AZIN2: variants seen among roughly 807,000 people sequenced by gnomAD.
AZIN2 encodes ODC antizyme inhibitor-2.
A neutral mutation model predicts 47.8 loss-of-function variants in AZIN2; 28 were observed. The observed-to-expected ratio is 0.59, with a 90% CI of 0.43 to 0.80. The LOEUF is 0.80. AZIN2 is among the 30% of genes least tolerant of loss of function. The pLI is 0.00. For synonymous variants in AZIN2, 221 were observed against 239.4 expected (o/e 0.92, Z 0.71); for missense variants, 535 against 582.5 (o/e 0.92, Z 0.84).
the AZIN2 span, chr1:33,159,780 G>A: frequency 6.2e-7 from 1 of 1,613,810 alleles, no homozygotes; most frequent in Non-Finnish European, 8.5e-7. The surrounding 1 kb of genome is among the most constrained non-coding windows in gnomAD (Gnocchi z 4.2). Context: ...CCTGGACCTT[G>A]CGCAGCTGCT....
chr1:33,116,195 A>G (rs866344019), intron 10 of AZIN2, among the ~76,000 whole-genome samples: 10 of 152,200 alleles, frequency 6.6e-5, no homozygotes, highest in African/African-American at 2.4e-4. Context: ...TAGGTGCTCA[A>G]TAAGTACTTG....
At chr1:33,149,491 G>T in the AZIN2 span, among the ~76,000 whole-genome samples, 1 of 151,648 alleles carries the variant, frequency 6.6e-6, no homozygotes, top group African/African-American at 2.4e-5. Context: ...GTCTCACTCT[G>T]CCACCCAGGC....
At chr1:33,104,857 C>G (rs1295351905) in intron 10 of AZIN2, among the ~76,000 whole-genome samples, 1 of 152,144 alleles carries the variant, frequency 6.6e-6, no homozygotes, top group Non-Finnish European at 1.5e-5. Flanking sequence ...TGCCACTATG[C>G]CTGGCTAATT....
intron 10 of AZIN2, among the ~76,000 whole-genome samples, chr1:33,110,017 T>C (rs772423452): frequency 1.3e-5 from 2 of 152,206 alleles, no homozygotes; most frequent in Non-Finnish European, 2.9e-5. Context: ...GAGAATCCAA[T>C]AGGATGCCCT....
At chr1:33,148,135 A>T in the AZIN2 span, among the ~76,000 whole-genome samples, 50 of 152,316 alleles carry the variant, frequency 3.3e-4, 1 homozygote, top group South Asian at 8.9e-3. Flanking sequence ...GAGTGTGTTC[A>T]GGTTGTCTTA....
chr1:33,082,173 C>T lies in AZIN2; in HGVS notation c.-72-5C>T. 3.2e-6 allele frequency: 4 copies of T among 1,237,362 alleles called. No homozygotes were observed. In the East Asian group the frequency reaches 7.4e-5, roughly 23 times the overall value. 76.6% of individuals were successfully genotyped at this position (1,237,362 alleles called of 1,614,324 possible). ...CGGTTCCCTTCATCTCCCCTCGCCC[C>T]GCAGTGTGTTGCATACTTTCTAAGG... On this transcript the variant is annotated splice_region_variant and splice_polypyrimidine_tract_variant and intron_variant, in intron 3 of 11. Transcript: ENST00000294517.
rs1644831980 is a variant in AZIN2, at chr1:33,123,433, G to A, written c.*3251G>A. 1.3e-5 allele frequency among the ~76,000 whole-genome samples: 2 copies of A among 152,194 alleles called. No homozygotes were observed. Among genetic ancestry groups the A allele is most frequent in the South Asian group, 4.1e-4 (2 of 4,826 alleles). On this transcript the variant is annotated 3_prime_UTR_variant, in exon 12 of 12. Coordinates refer to ENST00000294517, the MANE Select transcript of AZIN2 (RefSeq NM_052998.4). Reference sequence around the variant, plus strand: ...AGTAGGTGTTCAAAAAGTATATGCTGGATGGGCAAATGAATAAACATGTCT... The same window carrying A: ...AGTAGGTGTTCAAAAAGTATATGCTAGATGGGCAAATGAATAAACATGTCT...
the AZIN2 span, among the ~76,000 whole-genome samples, chr1:33,156,782 C>T: frequency 6.6e-6 from 1 of 152,216 alleles, no homozygotes; most frequent in African/African-American, 2.4e-5. Flanking sequence ...CATCACAAAC[C>T]TTACAGGCTT....
chr1:33,082,136 C>A, intron 3 of AZIN2, 42 bp from the exon 4 acceptor site: 1 of 863,242 alleles, frequency 1.2e-6, no homozygotes, highest in Non-Finnish European at 1.9e-6. Context: ...GGCAGCAGAG[C>A]CGGCCCCCCA....
At chr1:33,097,518 G>T (rs1338667051) in intron 9 of AZIN2, among the ~76,000 whole-genome samples, 2 of 152,208 alleles carry the variant, frequency 1.3e-5, no homozygotes, top group African/African-American at 4.8e-5. Context: ...CTCTGATCTT[G>T]AGGCTTGCCC....
Position 33,093,120 on chromosome 1 carries a change from A to G in AZIN2, c.453-162A>G, listed in dbSNP as rs1040622552. On this transcript the variant is annotated intron_variant, in intron 6 of 11. Coordinates refer to ENST00000294517, the MANE Select transcript of AZIN2 (RefSeq NM_052998.4). ...GGGACATTTAGAGAATGGATTGGAC[A>G]GGACTTGAAGGTTGATTGGCTGTGT... is the stretch of plus-strand genomic sequence containing the variant. The G allele has an allele frequency of 8.1e-6, 7 of 860,612 alleles. No homozygotes were observed. The African/African-American group carries it at 1.2e-4, about 15-fold the overall frequency. 53.3% of individuals were successfully genotyped at this position (860,612 alleles called of 1,614,324 possible).
chr1:33,115,923 G>A (rs1368951402), intron 10 of AZIN2, among the ~76,000 whole-genome samples: 1 of 152,132 alleles, frequency 6.6e-6, no homozygotes, highest in Non-Finnish European at 1.5e-5. Flanking sequence ...CATTTATAGA[G>A]CATCCCCTCC....
At chr1:33,082,078 G>C (rs1641325824) in intron 3 of AZIN2, 100 bp from the exon 4 acceptor site, 1 of 632,212 alleles carries the variant, frequency 1.6e-6, no homozygotes, top group African/African-American at 1.8e-5. Flanking sequence ...CTTGTGCTGG[G>C]GGCGGGTTGT....
At chr1:33,134,473 T>C in the AZIN2 span, among the ~76,000 whole-genome samples, 3 of 151,960 alleles carry the variant, frequency 2.0e-5, no homozygotes, top group Admixed American at 6.6e-5. Context: ...GAAGGAGTCA[T>C]TGGAAAAGGA....
chr1:33,135,876 C>T, the AZIN2 span, among the ~76,000 whole-genome samples: 1 of 152,074 alleles, frequency 6.6e-6, no homozygotes, highest in African/African-American at 2.4e-5. Flanking sequence ...GTTGGGTAAG[C>T]GATTGAATGA....
chr1:33,120,983 G>A lies in AZIN2; in HGVS notation c.*801G>A, dbSNP rs574514899. Among the ~76,000 whole-genome samples, 2 of 152,334 alleles carry A rather than the reference G, an allele frequency of 1.3e-5. No homozygotes were observed. The highest frequency in any genetic ancestry group is 1.9e-4 in the East Asian group (1 of 5,192). Reference sequence around the variant, plus strand: ...AGAGTAAAGCAGACACCTGGTGGTCGCTTTTGCTTCTTTGGGCAGTGCCTG... The same window carrying A: ...AGAGTAAAGCAGACACCTGGTGGTCACTTTTGCTTCTTTGGGCAGTGCCTG... On this transcript the variant is annotated 3_prime_UTR_variant, in exon 12 of 12. Coordinates refer to ENST00000294517, the MANE Select transcript of AZIN2 (RefSeq NM_052998.4).
At chr1:33,102,086 A>C (rs966785874) in intron 10 of AZIN2, among the ~76,000 whole-genome samples, 4 of 152,166 alleles carry the variant, frequency 2.6e-5, no homozygotes, top group African/African-American at 9.7e-5. Context: ...AATGCCAAAC[A>C]ATTTTCTGAA....
the AZIN2 span, among the ~76,000 whole-genome samples, chr1:33,143,449 G>T: frequency 6.6e-6 from 1 of 152,290 alleles, no homozygotes; most frequent in Non-Finnish European, 1.5e-5. Flanking sequence ...GGATCTGAGA[G>T]GATGGGGGAG....
At chr1:33,128,224 A>T (rs1644870683), downstream of AZIN2, among the ~76,000 whole-genome samples, 1 of 146,908 alleles carries the variant, frequency 6.8e-6, no homozygotes, top group African/African-American at 2.6e-5. Flanking sequence ...AAAAAAAAAA[A>T]TCAGCCAGGC....
Sources: gnomAD v4.1 joint callset for allele counts (sites outside exome capture counted in the v4.1 genomes callset) on GRCh38, gnomAD v4.1.1 for gene constraint, Gnocchi (gnomAD v3.1) non-coding constraint, MANE v1.5 for transcripts, NCBI Gene and HGNC (gene_info 2026-07-23, HGNC 2026-07-21) for gene names.